Variants in BANK1 observed in about 807,000 individuals in gnomAD.
BANK1 encodes B cell scaffold protein with ankyrin repeats 1, also known as B-cell scaffold protein with ankyrin repeats.
BANK1 carries 95 observed loss-of-function variants against 94.5 expected under a neutral mutation model. The ratio of observed to expected loss-of-function variants is 1.00; its 90% CI spans 0.85 to 1.19. The LOEUF (loss-of-function observed/expected upper bound fraction) is 1.19, where lower values mean the gene tolerates loss of function less well. Among genes scored for constraint, BANK1 ranks in the 50% most tolerant of loss-of-function variants. The pLI, the probability that BANK1 is intolerant of heterozygous loss-of-function variation, is 0.00. For synonymous variants in BANK1, 334 were observed against 308.4 expected, an observed-to-expected ratio of 1.08 and a Z score of -0.87; for missense variants, 987 against 932.2, an observed-to-expected ratio of 1.06 and a Z score of -0.77.
intron 5 of BANK1, among the ~76,000 whole-genome samples, chr4:101,876,843 A>G (rs1728507497): frequency 6.6e-6 from 1 of 152,172 alleles, no homozygotes; most frequent in Non-Finnish European, 1.5e-5. Context: ...AATTTAATAA[A>G]TAGATTCAAA....
At chr4:101,950,064 C>CGT (rs1215636255) in intron 7 of BANK1, among the ~76,000 whole-genome samples, 4 of 116,646 alleles carry the variant, frequency 3.4e-5, no homozygotes, top group Admixed American at 1.6e-4. Context: ...TGTGTGTGCG[C>CGT]GTGCGCGCGC....
chr4:102,039,248 T>A (rs1050429171), intron 10 of BANK1, among the ~76,000 whole-genome samples: 1 of 152,156 alleles, frequency 6.6e-6, no homozygotes. Flanking sequence ...CTGTATTTGA[T>A]AAGGTTTCTC....
intron 1 of BANK1, among the ~76,000 whole-genome samples, chr4:101,820,647 C>T (rs111243385): frequency 0.014 from 2,164 of 152,138 alleles, 52 homozygotes; most frequent in African/African-American, 0.05. Context: ...TCAAGCATAC[C>T]CCAGTGACTG....
intron 1 of BANK1, among the ~76,000 whole-genome samples, chr4:101,806,467 A>C (rs1354619578): frequency 6.6e-6 from 1 of 152,194 alleles, no homozygotes; most frequent in Non-Finnish European, 1.5e-5. Context: ...ATAACATAGA[A>C]ATACGTTGCA....
At chr4:102,048,005 A>C (rs761446870) in intron 11 of BANK1, among the ~76,000 whole-genome samples, 13 of 152,152 alleles carry the variant, frequency 8.5e-5, no homozygotes, top group Admixed American at 2.0e-4. Context: ...CTTGTTACCT[A>C]ATTTGCATAA....
In BANK1 at chr4:102,025,528, AAAAAC is replaced by A. The variant is rs202021744; in HGVS notation, c.1594+33_1594+37del. On this transcript the variant is annotated intron_variant, in intron 9 of 16. Coordinates refer to ENST00000322953, the MANE Select transcript of BANK1 (RefSeq NM_017935.5). ...TTACCAGGTAAGTTTAAGGTTAGAA[AAAAAC>A]AAAACAAAACAAAGACAAATCTTTG... 125 of 1,607,748 alleles carry A rather than the reference AAAAAC, an allele frequency of 7.8e-5. No homozygotes were observed. Among genetic ancestry groups the A allele is most frequent in the Admixed American group, 1.2e-4 (7 of 59,426 alleles).
chr4:101,886,035 C>T (rs140291422), intron 5 of BANK1, among the ~76,000 whole-genome samples: 1 of 152,240 alleles, frequency 6.6e-6, no homozygotes, highest in Admixed American at 6.5e-5. Flanking sequence ...CCATAGGCAG[C>T]TCTGTTATAA....
chr4:102,069,273 C>T (rs1228784086), intron 13 of BANK1, among the ~76,000 whole-genome samples: 1 of 152,118 alleles, frequency 6.6e-6, no homozygotes, highest in Non-Finnish European at 1.5e-5. Flanking sequence ...TTAACTCTTT[C>T]AGCTGAGAGG....
intron 6 of BANK1, among the ~76,000 whole-genome samples, chr4:101,909,704 G>A (rs578121360): frequency 6.6e-6 from 1 of 152,150 alleles, no homozygotes; most frequent in South Asian, 2.1e-4. Flanking sequence ...CCAGTTTTGG[G>A]GCCAGTTTAT....
intron 5 of BANK1, among the ~76,000 whole-genome samples, chr4:101,889,132 A>G (rs1009637314): frequency 2.6e-5 from 4 of 152,160 alleles, no homozygotes; most frequent in African/African-American, 9.7e-5. Flanking sequence ...GGGACTGTGT[A>G]TTATGGTAGT....
chr4:101,875,727 A>G (rs1412716160), intron 5 of BANK1, among the ~76,000 whole-genome samples: 3 of 152,172 alleles, frequency 2.0e-5, no homozygotes, highest in African/African-American at 7.2e-5. Context: ...CTAGCCAGAG[A>G]ATTATTGATT....
intron 6 of BANK1, among the ~76,000 whole-genome samples, chr4:101,902,664 T>G (rs1722323252): frequency 6.6e-6 from 1 of 152,246 alleles, no homozygotes; most frequent in Non-Finnish European, 1.5e-5. Flanking sequence ...TCTTTGAAAT[T>G]TATTGAGCCT....
At chr4:101,857,489 C>G (rs4235402) in intron 3 of BANK1, among the ~76,000 whole-genome samples, 82,728 of 151,950 alleles carry the variant, frequency 0.54, 23,636 homozygotes, top group African/African-American at 0.72. Flanking sequence ...TCTCTTCTTT[C>G]TGCCCTCATC....
intron 7 of BANK1, among the ~76,000 whole-genome samples, chr4:102,003,176 T>G (rs1308848871): frequency 6.6e-6 from 1 of 152,138 alleles, no homozygotes; most frequent in Non-Finnish European, 1.5e-5. Context: ...AGGAATACAC[T>G]AAGTAGAGGT....
At chr4:101,946,241 A>G (rs1454938917) in intron 7 of BANK1, among the ~76,000 whole-genome samples, 1 of 152,036 alleles carries the variant, frequency 6.6e-6, no homozygotes, top group Non-Finnish European at 1.5e-5. Context: ...ATAATATTTA[A>G]AAAGAACATG....
intron 6 of BANK1, among the ~76,000 whole-genome samples, chr4:101,899,372 T>C (rs1722196555): frequency 1.3e-5 from 2 of 152,118 alleles, no homozygotes; most frequent in African/African-American, 4.8e-5. Flanking sequence ...AAATTATAGA[T>C]TTTTCCACTC....
chr4:102,065,419 C>A (rs1243371588), intron 13 of BANK1, among the ~76,000 whole-genome samples: 1 of 152,064 alleles, frequency 6.6e-6, no homozygotes, highest in African/African-American at 2.4e-5. Flanking sequence ...TATACAAGTT[C>A]TTGACAGTAA....
chr4:101,976,361 A>G (rs2148925336), intron 7 of BANK1, among the ~76,000 whole-genome samples: 1 of 152,264 alleles, frequency 6.6e-6, no homozygotes, highest in African/African-American at 2.4e-5. Flanking sequence ...GTATTGAACT[A>G]TCCAGGATTC....
At chr4:101,916,635 C>G (rs1220994719) in intron 6 of BANK1, among the ~76,000 whole-genome samples, 1 of 151,946 alleles carries the variant, frequency 6.6e-6, no homozygotes, top group Non-Finnish European at 1.5e-5. Flanking sequence ...GATTTCTTTG[C>G]TATGTGCTAA....
Sources: gnomAD v4.1 joint callset for allele counts (sites outside exome capture counted in the v4.1 genomes callset) on GRCh38, gnomAD v4.1.1 for gene constraint, MANE v1.5 for transcripts, NCBI Gene and HGNC (gene_info 2026-07-23, HGNC 2026-07-21) for gene names.